ULK4: variants seen among roughly 807,000 people sequenced by gnomAD.
The protein encoded by ULK4 is inactive serine/threonine-protein kinase ULK4.
A neutral mutation model predicts 160.6 loss-of-function variants in ULK4; 133 were observed. That is an observed-to-expected ratio of 0.83 (90% confidence interval 0.72 to 0.96). The LOEUF is 0.96. Among genes scored for constraint, ULK4 ranks in the 40% least tolerant of loss-of-function variants. The pLI is 0.00. For missense variants in ULK4, 1,580 were observed against 1,499.5 expected, an observed-to-expected ratio of 1.05 and a Z score of -0.89; for synonymous variants, 534 against 539.8, an observed-to-expected ratio of 0.99 and a Z score of 0.15.
At chr3:41,605,960 A>G (rs767169437) in intron 31 of ULK4, among the ~76,000 whole-genome samples, 1 of 152,044 alleles carries the variant, frequency 6.6e-6, no homozygotes, top group Non-Finnish European at 1.5e-5. Flanking sequence ...ACAGTCCCCC[A>G]AATACTGGGA....
rs559907789 is a variant in ULK4, at chr3:41,256,825, A to C, written c.3679-7251T>G. ...AATATTTGCAACTTACATATCTGATAAAGGACTTATATCAAGAACATAAAA... is the reference window on the plus strand; with the variant it reads ...AATATTTGCAACTTACATATCTGATCAAGGACTTATATCAAGAACATAAAA... On this transcript the variant is annotated intron_variant, in intron 35 of 36. Transcript: ENST00000301831. Among the ~76,000 whole-genome samples the C allele has an allele frequency of 6.5e-4, 99 of 152,364 alleles. 2 individuals are homozygous for C. The South Asian group carries it at 0.019, about 30-fold the overall frequency.
In ULK4 at chr3:41,506,767, A is replaced by AAAAAAAAAAAAAAAAATAT; in HGVS notation, c.3227-43515_3227-43514insATATTTTTTTTTTTTTTTT. 1.3e-3 allele frequency among the ~76,000 whole-genome samples: 72 copies of AAAAAAAAAAAAAAAAATAT among 56,790 alleles called. 6 individuals are homozygous for AAAAAAAAAAAAAAAAATAT. The highest frequency in any genetic ancestry group is 2.9e-3 in the African/African-American group (36 of 12,250). 37.3% of individuals were successfully genotyped at this position (56,790 alleles called of 152,430 possible). A position where few individuals can be genotyped will look rare whatever the true frequency, so the allele number is the denominator to read the frequency against. ...AGCAATACACTGGAGTGTGATTTAA[A>AAAAAAAAAAAAAAAAATAT]ATATATATATATATATATATATATA... On this transcript the variant is annotated intron_variant, in intron 32 of 36. Transcript: ENST00000301831.
At chr3:41,591,898 C>T (rs1222844515) in intron 31 of ULK4, among the ~76,000 whole-genome samples, 3 of 152,134 alleles carry the variant, frequency 2.0e-5, no homozygotes, top group Non-Finnish European at 4.4e-5. Flanking sequence ...ACAATTGCTC[C>T]ATAATCTTTA....
At chr3:41,783,010 G>A (rs1034728213) in intron 21 of ULK4, among the ~76,000 whole-genome samples, 1 of 148,504 alleles carries the variant, frequency 6.7e-6, no homozygotes, top group Non-Finnish European at 1.5e-5. Context: ...ACATAGAGTT[G>A]GGTTGGTCCA....
In ULK4 at chr3:41,800,284, C is replaced by T; in HGVS notation, c.1858G>A (p.Val620Ile). ...ATTTTTGCTGCCATGTGATTCACAA[C>T]ACGCTCTTCCTATAGAGAAAGGAGA... ...MRCLREGEER[V>I]VNHMAAKIIE... The change falls in exon 20 of 37, where the codon GTT (valine) becomes ATT (isoleucine). Residue 620 changes from valine to isoleucine, a missense_variant. Transcript: ENST00000301831. 1 of 1,611,184 alleles carries T rather than the reference C, an allele frequency of 6.2e-7. No individual in the cohort carries two copies.
At chr3:41,596,052 A>T (rs909659797) in intron 31 of ULK4, among the ~76,000 whole-genome samples, 1 of 152,176 alleles carries the variant, frequency 6.6e-6, no homozygotes, top group African/African-American at 2.4e-5. Context: ...CAAGTAGATG[A>T]CTTGGTTTGG....
chr3:41,825,556 G>A (rs985806958), intron 18 of ULK4, among the ~76,000 whole-genome samples: 1 of 152,188 alleles, frequency 6.6e-6, no homozygotes, highest in African/African-American at 2.4e-5. Flanking sequence ...GGAAGAAAGG[G>A]TATCAGTGAT....
chr3:41,616,517 G>A (rs539282136), intron 30 of ULK4, among the ~76,000 whole-genome samples: 40 of 152,248 alleles, frequency 2.6e-4, no homozygotes, highest in African/African-American at 7.9e-4. Context: ...GTGGGGCGTC[G>A]TCTCACCAGG....
At chr3:41,683,676 C>G (rs77703423) in intron 27 of ULK4, among the ~76,000 whole-genome samples, 1,942 of 152,026 alleles carry the variant, frequency 0.013, 12 homozygotes, top group Non-Finnish European at 0.021. Flanking sequence ...TTGACTCAGT[C>G]TGAAGACACC....
At chr3:41,395,796 A>T (rs1188450821) in intron 35 of ULK4, among the ~76,000 whole-genome samples, 3 of 152,200 alleles carry the variant, frequency 2.0e-5, no homozygotes, top group Non-Finnish European at 4.4e-5. Context: ...TATACATTTT[A>T]CCACAATAAA....
At chr3:41,837,913 G>A (rs952954049) in intron 17 of ULK4, among the ~76,000 whole-genome samples, 4 of 152,164 alleles carry the variant, frequency 2.6e-5, no homozygotes, top group East Asian at 1.9e-4. Flanking sequence ...TGTACCAAAC[G>A]TGTAACTCTC....
intron 35 of ULK4, among the ~76,000 whole-genome samples, chr3:41,321,109 C>T (rs371331007): frequency 2.6e-5 from 4 of 151,924 alleles, no homozygotes; most frequent in Admixed American, 1.3e-4. Flanking sequence ...ACTTGCACCC[C>T]GGGAAGGTGC....
intron 4 of ULK4, among the ~76,000 whole-genome samples, chr3:41,932,754 C>T (rs1364750430): frequency 6.6e-6 from 1 of 152,080 alleles, no homozygotes; most frequent in Non-Finnish European, 1.5e-5. Context: ...TTTTTCAAGG[C>T]TATGTAGGGT....
intron 35 of ULK4, among the ~76,000 whole-genome samples, chr3:41,330,248 T>C (rs920055852): frequency 4.6e-5 from 7 of 152,194 alleles, no homozygotes. Flanking sequence ...TCTCCCAAGC[T>C]TCTGGAGTCT....
intron 22 of ULK4, among the ~76,000 whole-genome samples, chr3:41,728,949 T>C (rs899870427): frequency 1.3e-5 from 2 of 152,158 alleles, no homozygotes; most frequent in African/African-American, 4.8e-5. Flanking sequence ...GACTGTCTGA[T>C]GTTAAATAAG....
At chr3:41,682,821 A>G (rs2035966791) in intron 27 of ULK4, among the ~76,000 whole-genome samples, 1 of 152,256 alleles carries the variant, frequency 6.6e-6, no homozygotes, top group South Asian at 2.1e-4. Context: ...AGAAAAAACT[A>G]TGCAAAGGAA....
chr3:41,743,138 A>T (rs945344454), intron 22 of ULK4, among the ~76,000 whole-genome samples: 8 of 151,952 alleles, frequency 5.3e-5, no homozygotes, highest in African/African-American at 1.9e-4. Flanking sequence ...AACTCCAAAT[A>T]GGATTAAACC....
At chr3:41,768,490 T>C (rs1293144574) in intron 21 of ULK4, among the ~76,000 whole-genome samples, 1 of 152,172 alleles carries the variant, frequency 6.6e-6, no homozygotes, top group Non-Finnish European at 1.5e-5. Flanking sequence ...ACAGTCACTC[T>C]TGGAACTCTG....
intron 2 of ULK4, among the ~76,000 whole-genome samples, chr3:41,949,830 G>A (rs981754347): frequency 6.6e-6 from 1 of 150,918 alleles, no homozygotes; most frequent in Non-Finnish European, 1.5e-5. Flanking sequence ...TCGACCTCCA[G>A]GGCTGAAGCA....
Sources: gnomAD v4.1 joint callset for allele counts (sites outside exome capture counted in the v4.1 genomes callset) on GRCh38, gnomAD v4.1.1 for gene constraint, MANE v1.5 for transcripts, NCBI Gene and HGNC (gene_info 2026-07-23, HGNC 2026-07-21) for gene names.